TMEM140: variants seen among roughly 807,000 people sequenced by gnomAD.
TMEM140 encodes the protein transmembrane protein 140.
For missense variants in TMEM140, 236 were observed against 228.5 expected (o/e 1.03, Z -0.21); for synonymous variants, 107 against 106.8 (o/e 1.00, Z -0.01).
chr7:135,152,217 G>A (rs2117428573), intron 1 of TMEM140, among the ~76,000 whole-genome samples: 2 of 152,360 alleles, frequency 1.3e-5, no homozygotes, highest in South Asian at 4.1e-4. Context: ...GTGAATGGAA[G>A]AGCAGAGTCT....
intron 1 of TMEM140, among the ~76,000 whole-genome samples, chr7:135,163,199 A>G (rs1314850814): frequency 3.3e-5 from 5 of 152,254 alleles, no homozygotes; most frequent in African/African-American, 1.2e-4. Context: ...GCTTTGAAAA[A>G]TGTTTACTAA....
At chr7:135,152,036 C>G (rs890761100) in intron 1 of TMEM140, among the ~76,000 whole-genome samples, 1 of 152,214 alleles carries the variant, frequency 6.6e-6, no homozygotes, top group African/African-American at 2.4e-5. Flanking sequence ...AGTTTTCTCT[C>G]TATCGTAGTA....
rs577880051 is a variant in TMEM140, at chr7:135,162,656, GA to G, written c.-24-1759del. ...TCACTACCATGAGTACAGTATGGGG[GA>G]AACCCACCCCCATGATCCAATTACC... On this transcript the variant is annotated intron_variant, in intron 1 of 1. Transcript: ENST00000275767. Among the ~76,000 whole-genome samples the G allele has an allele frequency of 2.6e-5, 4 of 152,238 alleles. No homozygotes were observed. The East Asian group carries it at 5.8e-4, about 22-fold the overall frequency.
At position 135,148,149 on chromosome 7, in the gene TMEM140, C is replaced by T; in HGVS notation, c.-146C>T. 1 of 450,168 alleles carries T rather than the reference C, an allele frequency of 2.2e-6. No individual in the cohort carries two copies. Among genetic ancestry groups the T allele is most frequent in the South Asian group, 1.6e-5 (1 of 64,052 alleles). The allele number at this position is 450,168 out of a possible 1,614,324, so 27.9% of individuals were successfully genotyped here. A position where few individuals can be genotyped will look rare whatever the true frequency, so the allele number is the denominator to read the frequency against. On this transcript the variant is annotated 5_prime_UTR_variant, in exon 1 of 2. Coordinates refer to ENST00000275767, the MANE Select transcript of TMEM140 (RefSeq NM_018295.5). ...ACTGCATCTGCCTGCCATTTCCCTT[C>T]CACTCCTCCTTTCTGGAGTCTGACA...
intron 1 of TMEM140, among the ~76,000 whole-genome samples, chr7:135,160,819 A>G (rs1034397305): frequency 6.6e-6 from 1 of 152,180 alleles, no homozygotes; most frequent in African/African-American, 2.4e-5. Context: ...ATGACACTAG[A>G]GTGGAGAATA....
intron 1 of TMEM140, among the ~76,000 whole-genome samples, chr7:135,160,708 C>T (rs1371159752): frequency 6.6e-6 from 1 of 150,906 alleles, no homozygotes; most frequent in East Asian, 2.0e-4. Flanking sequence ...ACTCAGGGAG[C>T]CTATGTAGCA....
chr7:135,152,678 CAA>C (rs1829693686), intron 1 of TMEM140: 2 of 152,308 alleles, frequency 1.3e-5, no homozygotes, highest in South Asian at 4.1e-4. Flanking sequence ...TTCCACTGAT[CAA>C]AGAGTCTCAT....
At chr7:135,162,640 T>C (rs546327259) in intron 1 of TMEM140, among the ~76,000 whole-genome samples, 1 of 152,268 alleles carries the variant, frequency 6.6e-6, no homozygotes, top group South Asian at 2.1e-4. Flanking sequence ...CTCACTACCA[T>C]GAGTACAGTA....
intron 1 of TMEM140, among the ~76,000 whole-genome samples, chr7:135,163,399 T>C (rs998399690): frequency 4.3e-4 from 66 of 151,964 alleles, no homozygotes; most frequent in African/African-American, 1.5e-3. Context: ...CCCAGCACTT[T>C]GGGAGGCCAA....
chr7:135,160,078 A>T (rs1057327755), intron 1 of TMEM140, among the ~76,000 whole-genome samples: 1 of 152,270 alleles, frequency 6.6e-6, no homozygotes. Flanking sequence ...TCTAGTTCAC[A>T]TAGAATGATG....
chr7:135,157,520 G>T (rs1829825310), intron 1 of TMEM140, among the ~76,000 whole-genome samples: 1 of 152,238 alleles, frequency 6.6e-6, no homozygotes, highest in Non-Finnish European at 1.5e-5. Context: ...GGTGGTTAGT[G>T]GGTCTTGGAG....
intron 1 of TMEM140, among the ~76,000 whole-genome samples, chr7:135,156,086 T>C (rs1253457278): frequency 2.0e-5 from 3 of 152,192 alleles, no homozygotes; most frequent in East Asian, 1.9e-4. Context: ...TTTTCTGGCA[T>C]GTAAGAATTC....
rs1394365098 is a variant in TMEM140, at chr7:135,161,534, A to G, written c.-24-2884A>G. 3.3e-5 allele frequency among the ~76,000 whole-genome samples: 5 copies of G among 152,234 alleles called. No homozygotes were observed. The highest frequency in any genetic ancestry group is 1.2e-4 in the African/African-American group (5 of 41,450). Reference sequence around the variant, plus strand: ...ACACCCTAAAATACCCAAACCCATTAAAAGCACAGATATAGGCTTTTACAA... The same window carrying G: ...ACACCCTAAAATACCCAAACCCATTGAAAGCACAGATATAGGCTTTTACAA... On this transcript the variant is annotated intron_variant, in intron 1 of 1. Coordinates refer to ENST00000275767, the MANE Select transcript of TMEM140 (RefSeq NM_018295.5). This position sits in a 1 kb window ranked among gnomAD's most constrained non-coding sequence, Gnocchi z 4.1.
At chr7:135,153,819 G>C (rs1284644333) in intron 1 of TMEM140, among the ~76,000 whole-genome samples, 1 of 152,204 alleles carries the variant, frequency 6.6e-6, no homozygotes, top group Non-Finnish European at 1.5e-5. Flanking sequence ...CTGTGTCCTT[G>C]TCTGGTTTTT....
rs1292158115 is a variant in TMEM140 at position 135,151,110 on chromosome 7, T to C, written c.-25+2840T>C. ...ATGTTATAATCTCATGGTATAGTCC[T>C]ATTTTGTCTGATAAAGCTGTTTTAT... On this transcript the variant is annotated intron_variant, in intron 1 of 1. Transcript: ENST00000275767. This position sits in a 1 kb window ranked among gnomAD's most constrained non-coding sequence, Gnocchi z 4.3. 1.3e-5 allele frequency among the ~76,000 whole-genome samples: 2 copies of C among 152,238 alleles called. No individual in the cohort carries two copies. Among genetic ancestry groups the C allele is most frequent in the African/African-American group, 4.8e-5 (2 of 41,464 alleles).
intron 1 of TMEM140, among the ~76,000 whole-genome samples, chr7:135,157,085 G>C (rs1829814029): frequency 6.6e-6 from 1 of 152,160 alleles, no homozygotes; most frequent in South Asian, 2.1e-4. Flanking sequence ...CCCAGTCTCA[G>C]GTATGTCTTT....
At chr7:135,155,191 CT>C (rs1286706763) in intron 1 of TMEM140, among the ~76,000 whole-genome samples, 2 of 152,126 alleles carry the variant, frequency 1.3e-5, no homozygotes, top group African/African-American at 4.8e-5. Context: ...CATGGAATAT[CT>C]TTTTCCACCC....
At chr7:135,156,720 TTTGA>T (rs1487694033) in intron 1 of TMEM140, among the ~76,000 whole-genome samples, 1 of 152,248 alleles carries the variant, frequency 6.6e-6, no homozygotes, top group Non-Finnish European at 1.5e-5. Flanking sequence ...AAGAATTCTC[TTTGA>T]TTGGGATCTG....
At chr7:135,158,139 T>A (rs183533306) in intron 1 of TMEM140, among the ~76,000 whole-genome samples, 37 of 152,112 alleles carry the variant, frequency 2.4e-4, no homozygotes, top group Admixed American at 5.9e-4. Context: ...AGCATTAAAC[T>A]CTCAAAATGG....
Sources: allele counts gnomAD v4.1 joint callset (sites outside exome capture counted in the v4.1 genomes callset), GRCh38; gene constraint gnomAD v4.1.1; non-coding constraint Gnocchi (gnomAD v3.1); transcripts MANE v1.5; gene names NCBI Gene and HGNC (gene_info 2026-07-23, HGNC 2026-07-21).